The following TLCD3B variants were observed in gnomAD, a reference collection of about 807,000 sequenced individuals.
The protein encoded by TLCD3B is ceramide synthase.
TLCD3B carries 9 observed loss-of-function variants against 23.0 expected under a neutral mutation model. The observed-to-expected ratio is 0.39, with a 90% CI of 0.24 to 0.68. The LOEUF is 0.68. TLCD3B is among the 30% of genes least tolerant of loss of function. The pLI is 0.44. For synonymous variants in TLCD3B, 161 were observed against 161.0 expected (o/e 1.00, Z 0.00); for missense variants, 307 against 371.8 (o/e 0.83, Z 1.43).
At chr16:30,026,502 CTTGG>C in intron 3 of TLCD3B, 103 bp downstream of exon 3, 2 of 947,992 alleles carry the variant, frequency 2.1e-6, no homozygotes, top group Non-Finnish European at 3.2e-6. Context: ...GCTGGGTCTG[CTTGG>C]TTGTCAGTAC....
intron 2 of TLCD3B, among the ~76,000 whole-genome samples, chr16:30,044,399 C>G (rs1231304967): frequency 2.0e-5 from 3 of 152,104 alleles, no homozygotes; most frequent in Non-Finnish European, 4.4e-5. Flanking sequence ...CCTCCGCCTC[C>G]TGGGTTTAAG....
rs1388074357 is a variant in TLCD3B at position 30,026,945 on chromosome 16, G to C, written c.210-102C>G. 1.1e-5 allele frequency: 11 copies of C among 993,580 alleles called. 1 individual carries two copies. The East Asian group carries it at 2.8e-4, about 26-fold the overall frequency. The allele number at this position is 993,580 out of a possible 1,614,324, so 61.5% of individuals were successfully genotyped here. ...AGCACAGCAGCCCTGGACAGGAGCG[G>C]AGTCTTGGGTACAGATGAGGGATCC... On this transcript the variant is annotated intron_variant, in intron 2 of 4. Transcript: ENST00000380495.
At chr16:30,036,551 T>C (rs1445142591) in intron 3 of TLCD3B, 3 of 543,268 alleles carry the variant, frequency 5.5e-6, no homozygotes, top group South Asian at 2.0e-5. Flanking sequence ...GAGGCTGCTC[T>C]GTAGAGGCAG....
chr16:30,027,537 T>C (rs957642533), intron 2 of TLCD3B: 6 of 454,388 alleles, frequency 1.3e-5, no homozygotes, highest in Non-Finnish European at 2.7e-5. Context: ...GTGAGAGGTC[T>C]TGTCAGCGCT....
intron 3 of TLCD3B, among the ~76,000 whole-genome samples, chr16:30,037,657 A>G (rs1401609773): frequency 6.6e-6 from 1 of 152,064 alleles, no homozygotes; most frequent in Non-Finnish European, 1.5e-5. Flanking sequence ...GAATTGCTTG[A>G]TCCCAGGAGT....
chr16:30,030,070 A>C, intron 1 of TLCD3B: 1 of 1,360,552 alleles, frequency 7.3e-7, no homozygotes, highest in Non-Finnish European at 9.7e-7. Context: ...CCTGAATGAC[A>C]CCTAGCTGTC....
upstream of TLCD3B, chr16:30,035,153 C>T (rs540022367): frequency 2.1e-3 from 906 of 436,514 alleles, 2 homozygotes; most frequent in Middle Eastern, 4.3e-3. Flanking sequence ...CTCAGGTGAT[C>T]CACCTGCCTC....
intron 1 of TLCD3B, among the ~76,000 whole-genome samples, chr16:30,047,341 A>G (rs982524570): frequency 6.6e-6 from 1 of 151,414 alleles, no homozygotes; most frequent in Non-Finnish European, 1.5e-5. Context: ...TCTTTTTTTG[A>G]GATGGAGTCT....
upstream of TLCD3B, chr16:30,036,271 T>C: frequency 7.8e-7 from 1 of 1,288,846 alleles, no homozygotes; most frequent in Non-Finnish European, 1.0e-6. Context: ...AAATGACATT[T>C]GTTGAAAAAA....
rs2071101221 is a variant in TLCD3B at position 30,025,783 on chromosome 16, G to A, written c.483C>T (p.Cys161=). The part of the protein sequence containing the change: ...RQGKGDFFLG[C]MLMAEVSTPF... Reference sequence around the variant, plus strand: ...GCGTGCTGACCTCTGCCATCAACATGCAACCCAGAAAGAAGTCTCCCTTAC... The same window carrying A: ...GCGTGCTGACCTCTGCCATCAACATACAACCCAGAAAGAAGTCTCCCTTAC... The change falls in exon 4 of 5, where the codon TGC becomes TGT. Residue 161 remains cysteine, a synonymous_variant. Transcript: ENST00000380495. This position sits in a 1 kb window ranked among gnomAD's most constrained non-coding sequence, Gnocchi z 4.1. The A allele has an allele frequency of 1.2e-6, 2 of 1,613,994 alleles. No homozygotes were observed. Among genetic ancestry groups the A allele is most frequent in the Non-Finnish European group, 1.7e-6 (2 of 1,180,032 alleles).
intron 2 of TLCD3B, among the ~76,000 whole-genome samples, chr16:30,044,505 T>C (rs1389271634): frequency 6.6e-6 from 1 of 151,634 alleles, no homozygotes; most frequent in South Asian, 2.1e-4. Context: ...AGAGACAGGG[T>C]TTCAACCTGT....
At chr16:30,026,482 C>T (rs2071141316) in intron 3 of TLCD3B, 127 bp downstream of exon 3, 1 of 821,324 alleles carries the variant, frequency 1.2e-6, no homozygotes, top group Admixed American at 2.5e-5. Flanking sequence ...ACAGCTTTCC[C>T]TGGGAATACG....
intron 2 of TLCD3B, among the ~76,000 whole-genome samples, chr16:30,027,359 G>A (rs1437864823): frequency 1.3e-5 from 2 of 152,218 alleles, no homozygotes; most frequent in Non-Finnish European, 1.5e-5. Flanking sequence ...CCCTGTAAAA[G>A]GTAGGTGTGG....
At chr16:30,042,534 C>T (rs2071594964) in intron 2 of TLCD3B, among the ~76,000 whole-genome samples, 1 of 152,142 alleles carries the variant, frequency 6.6e-6, no homozygotes, top group African/African-American at 2.4e-5. Flanking sequence ...TCTGATCCGC[C>T]TTTATACACA....
chr16:30,026,476 C>G (rs546749026), intron 3 of TLCD3B, 133 bp downstream of exon 3: 60 of 798,376 alleles, frequency 7.5e-5, no homozygotes, highest in Non-Finnish European at 1.2e-4. Context: ...CTGTCCACAG[C>G]TTTCCCTGGG....
Position 30,026,302 on chromosome 16 carries a change from C to G in TLCD3B, c.444+307G>C, listed in dbSNP as rs143199746. 7.9e-5 allele frequency among the ~76,000 whole-genome samples: 12 copies of G among 152,270 alleles called. No individual in the cohort carries two copies. In the East Asian group the frequency reaches 2.1e-3, roughly 27 times the overall value. ...GTGCATGACTTGGCTGCATCCCTCTCACGGTCCTGCAGAAAGACTGTGTCC... is the reference window on the plus strand; with the variant it reads ...GTGCATGACTTGGCTGCATCCCTCTGACGGTCCTGCAGAAAGACTGTGTCC... On this transcript the variant is annotated intron_variant, in intron 3 of 4. Coordinates refer to ENST00000380495, the MANE Select transcript of TLCD3B (RefSeq NM_031478.6).
intron 2 of TLCD3B, among the ~76,000 whole-genome samples, chr16:30,045,386 C>T (rs1254920130): frequency 2.5e-4 from 16 of 63,482 alleles, no homozygotes; most frequent in East Asian, 1.7e-3. Context: ...GTGTGGTGTG[C>T]GTGGGTATGG....
intron 1 of TLCD3B, among the ~76,000 whole-genome samples, chr16:30,047,402 A>G (rs2071690468): frequency 1.3e-5 from 2 of 151,874 alleles, no homozygotes; most frequent in South Asian, 4.1e-4. Context: ...GCTCACTGCA[A>G]CCTCTGCCTC....
At chr16:30,027,160 C>A (rs1187318880) in intron 2 of TLCD3B, 1 of 492,680 alleles carries the variant, frequency 2.0e-6, no homozygotes, top group South Asian at 1.5e-5. Context: ...CCAAAATAAG[C>A]CCAGGACAGG....
Sources: allele counts gnomAD v4.1 joint callset (sites outside exome capture counted in the v4.1 genomes callset), GRCh38; gene constraint gnomAD v4.1.1; non-coding constraint Gnocchi (gnomAD v3.1); transcripts MANE v1.5; gene names NCBI Gene and HGNC (gene_info 2026-07-23, HGNC 2026-07-21).